Variants in NCAN observed in about 807,000 individuals in gnomAD.
The protein encoded by NCAN is neurocan core protein.
Under a neutral mutation model 121.8 loss-of-function variants are expected in NCAN, and 47 were observed. The observed-to-expected ratio is 0.39, with a 90% CI of 0.31 to 0.49. The LOEUF is 0.49. Ranked by LOEUF, NCAN falls within the 20% of genes least tolerant of loss-of-function variation. The pLI is 0.92. For missense variants in NCAN, 1,517 were observed against 1,773.4 expected (o/e 0.86, Z 2.60); for synonymous variants, 633 against 702.0 (o/e 0.90, Z 1.55).
intron 12 of NCAN, among the ~76,000 whole-genome samples, chr19:19,242,556 G>A (rs530078277): frequency 2.4e-4 from 37 of 151,812 alleles, no homozygotes; most frequent in Non-Finnish European, 4.9e-4. Context: ...GGGTGTGATG[G>A]CACATGCCTG....
At chr19:19,221,354 G>C (rs577115287) in intron 3 of NCAN, among the ~76,000 whole-genome samples, 15 of 152,128 alleles carry the variant, frequency 9.9e-5, no homozygotes, top group African/African-American at 3.1e-4. Flanking sequence ...CAGATCATGA[G>C]GTCAGGAGTT....
At position 19,222,751 on chromosome 19, in the gene NCAN, C is replaced by T. The variant is rs900119987; in HGVS notation, c.476-1270C>T. On this transcript the variant is annotated intron_variant, in intron 3 of 14. Coordinates refer to ENST00000252575, the MANE Select transcript of NCAN (RefSeq NM_004386.3). The stretch of plus-strand genomic sequence containing the variant: ...CAGTGAGCCTGTTACCAGGGCTTCA[C>T]ATCCTGGCTTACATGTCACCTCCTC... Among the ~76,000 whole-genome samples, 4 of 152,142 alleles carry T rather than the reference C, an allele frequency of 2.6e-5. No homozygotes were observed. In the East Asian group the frequency reaches 7.7e-4, roughly 29 times the overall value.
At chr19:19,217,625 G>A (rs952773816) in intron 2 of NCAN, among the ~76,000 whole-genome samples, 1 of 152,210 alleles carries the variant, frequency 6.6e-6, no homozygotes, top group Non-Finnish European at 1.5e-5. Context: ...GCTCAGGGAA[G>A]GAAAATGCCT....
chr19:19,249,075 G>GTGTGTGTA (rs2060936950), intron 14 of NCAN, 193 bp downstream of exon 14: 2 of 579,850 alleles, frequency 3.4e-6, no homozygotes, highest in Non-Finnish European at 3.0e-6. Context: ...GTGTGTGTGT[G>GTGTGTGTA]TGTGTATGTG....
At chr19:19,234,779 CATT>C (rs1201504952) in intron 9 of NCAN, among the ~76,000 whole-genome samples, 1 of 152,240 alleles carries the variant, frequency 6.6e-6, no homozygotes, top group African/African-American at 2.4e-5. Context: ...CATCTGCTCT[CATT>C]AATGCTAATT....
At position 19,225,875 on chromosome 19, in the gene NCAN, C is replaced by G. The variant is rs1360345323; in HGVS notation, c.1072+605C>G. Among the ~76,000 whole-genome samples the G allele has an allele frequency of 6.6e-6, 1 of 152,206 alleles. No individual in the cohort carries two copies. The highest frequency in any genetic ancestry group is 1.9e-4 in the East Asian group (1 of 5,188). On this transcript the variant is annotated intron_variant, in intron 6 of 14. Transcript: ENST00000252575. The surrounding 1 kb of genome is among the most constrained non-coding windows in gnomAD (Gnocchi z 4.0). ...GAGTTGAACCCCTCAACAGGCAGAC[C>G]CAAGTTCATGAGAGTTGGACACTAC... is the stretch of plus-strand genomic sequence containing the variant.
chr19:19,228,263 G>C lies in NCAN; in HGVS notation c.2643G>C (p.Lys881Asn), dbSNP rs2060845483. The change falls in exon 8 of 15, where the codon AAG becomes AAC. Residue 881 changes from lysine to asparagine, a missense_variant. Physicochemically the swap from Lys to Asn is moderately conservative, Grantham distance 94 (BLOSUM62 0). Transcript: ENST00000252575. ...TCACGACCCTGGAGCAGGGGGACAAGGTTGGAGTTCCAGCCATGTCTACAC... is the reference window on the plus strand; with the variant it reads ...TCACGACCCTGGAGCAGGGGGACAACGTTGGAGTTCCAGCCATGTCTACAC... ...TPLTTLEQGD[K>N]VGVPAMSTLG... The C allele has an allele frequency of 2.5e-6, 4 of 1,613,860 alleles. No homozygotes were observed. Among genetic ancestry groups the C allele is most frequent in the African/African-American group, 1.3e-5 (1 of 74,926 alleles).
chr19:19,228,660 C>T, intron 8 of NCAN, 21 bp downstream of exon 8: 1 of 1,578,104 alleles, frequency 6.3e-7, no homozygotes, highest in Non-Finnish European at 8.6e-7. Context: ...AGTCCCGGGG[C>T]TCTGTCCAGC....
intron 13 of NCAN, among the ~76,000 whole-genome samples, chr19:19,246,009 TA>T (rs2060923222): frequency 6.6e-6 from 1 of 152,070 alleles, no homozygotes; most frequent in Admixed American, 6.6e-5. Context: ...GATTATATTT[TA>T]TTTTTTTAAT....
At position 19,226,744 on chromosome 19, in the gene NCAN, G is replaced by A. The variant is rs1346890730; in HGVS notation, c.1331G>A (p.Gly444Glu). The A allele has an allele frequency of 3.1e-6, 5 of 1,613,216 alleles. No homozygotes were observed. The East Asian group carries it at 1.1e-4, about 36-fold the overall frequency. ...GDPMLASWPT[G>E]EVWLSTVAPS... ...CCCATGCTGGCCTCATGGCCCACTG[G>A]GGAAGTGTGGCTAAGCACGGTGGCC... The change falls in exon 7 of 15, where the codon GGG becomes GAG. Residue 444 changes from glycine (G) to glutamate (E), a missense_variant. By Grantham distance (98) the Gly-to-Glu change is moderately conservative (BLOSUM62 -2). Coordinates refer to ENST00000252575, the MANE Select transcript of NCAN (RefSeq NM_004386.3).
In NCAN at chr19:19,249,977, C is replaced by A. The variant is rs748850578; in HGVS notation, c.*66C>A. The A allele has an allele frequency of 2.8e-5, 42 of 1,506,144 alleles. No homozygotes were observed. In the African/African-American group the frequency reaches 4.9e-4, roughly 17 times the overall value. 93.3% of individuals were successfully genotyped at this position (1,506,144 alleles called of 1,614,324 possible). A position where few individuals can be genotyped will look rare whatever the true frequency, so the allele number is the denominator to read the frequency against. On this transcript the variant is annotated 3_prime_UTR_variant, in exon 15 of 15. Coordinates refer to ENST00000252575, the MANE Select transcript of NCAN (RefSeq NM_004386.3). ...CCTCTGGAGCCTTCGCCTGGGGAGACAGAACCCAGAGAGAAACAAGAGAGT... is the reference window on the plus strand; with the variant it reads ...CCTCTGGAGCCTTCGCCTGGGGAGAAAGAACCCAGAGAGAAACAAGAGAGT...
chr19:19,242,664 G>A (rs1228343692), intron 12 of NCAN, among the ~76,000 whole-genome samples: 2 of 152,194 alleles, frequency 1.3e-5, no homozygotes, highest in Non-Finnish European at 2.9e-5. Context: ...ACTCCAGCCT[G>A]GGTGACAGAG....
rs761502466 is a variant in NCAN at position 19,228,102 on chromosome 19, C to T, written c.2482C>T (p.Pro828Ser). Residue 828 changes from proline (P) to serine (S), a missense_variant, in exon 8 of 15, where the codon CCC becomes TCC. Physicochemically the swap from Pro to Ser is moderately conservative, Grantham distance 74 (BLOSUM62 -1). Transcript: ENST00000252575. ...VATDEGPTVN[P>S]MDSTVTPAPS... ...TACAGATGAAGGACCCACTGTGAAT[C>T]CCATGGATTCCACAGTCACGCCGGC... The T allele has an allele frequency of 1.2e-6, 2 of 1,613,488 alleles. No homozygotes were observed. Among genetic ancestry groups the T allele is most frequent in the East Asian group, 2.2e-5 (1 of 44,888 alleles).
intron 11 of NCAN, among the ~76,000 whole-genome samples, chr19:19,239,015 C>A (rs2060891910): frequency 6.6e-6 from 1 of 152,112 alleles, no homozygotes; most frequent in South Asian, 2.1e-4. Context: ...TCCTTCCTTT[C>A]TTCCTTCCCT....
intron 8 of NCAN, among the ~76,000 whole-genome samples, chr19:19,229,568 G>A (rs1204629249): frequency 6.6e-6 from 1 of 152,186 alleles, no homozygotes; most frequent in East Asian, 1.9e-4. Flanking sequence ...GCTCAGGGAG[G>A]TAAAACGCCG....
chr19:19,238,253 A>G lies in NCAN; in HGVS notation c.3251A>G (p.Asp1084Gly). ...PSYGGSFCEK[D>G]TEGCDRGWHK... is the part of the protein sequence containing the mutation. ...CTCACGCTCCTATCCCATCTCCCAG[A>G]CACCGAGGGCTGTGACCGCGGCTGG... Residue 1084 changes from aspartate (D) to glycine (G), a missense_variant and splice_region_variant, in exon 11 of 15, where the codon GAC (aspartate) becomes GGC (glycine). By Grantham distance (94) the Asp-to-Gly change is moderately conservative. Coordinates refer to ENST00000252575, the MANE Select transcript of NCAN (RefSeq NM_004386.3). 1 of 1,614,082 alleles carries G rather than the reference A, an allele frequency of 6.2e-7. No individual in the cohort carries two copies. The highest frequency in any genetic ancestry group is 2.2e-5 in the East Asian group (1 of 44,886).
chr19:19,215,358 C>T (rs974126414), intron 1 of NCAN, among the ~76,000 whole-genome samples: 13 of 152,128 alleles, frequency 8.5e-5, no homozygotes, highest in Admixed American at 3.3e-4. Context: ...GACCGGGGTT[C>T]GCAGGAGTGG....
rs2060834574 is a variant in NCAN at position 19,225,802 on chromosome 19, T to C, written c.1072+532T>C. On this transcript the variant is annotated intron_variant, in intron 6 of 14. Transcript: ENST00000252575. This position sits in a 1 kb window ranked among gnomAD's most constrained non-coding sequence, Gnocchi z 4.0. ...CCCCAGTCCTGGCATGGGCATACCA[T>C]GCCCACGGGGCACCACCTGTACCAG... 2.0e-5 allele frequency among the ~76,000 whole-genome samples: 3 copies of C among 152,352 alleles called. No individual in the cohort carries two copies. The highest frequency in any genetic ancestry group is 4.1e-4 in the South Asian group (2 of 4,832).
In NCAN at chr19:19,212,301, C is replaced by T. The variant is rs1027307748; in HGVS notation, c.-8+237C>T. ...GTCCGCGGAATCCGGAGACTACCCC[C>T]CGGTGGGGAGGGGGCCGGGCTGGGG... On this transcript the variant is annotated intron_variant, in intron 1 of 14. Transcript: ENST00000252575. This position sits in a 1 kb window ranked among gnomAD's most constrained non-coding sequence, Gnocchi z 4.5. Among the ~76,000 whole-genome samples the T allele has an allele frequency of 6.7e-6, 1 of 149,426 alleles. No individual in the cohort carries two copies. Among genetic ancestry groups the T allele is most frequent in the Non-Finnish European group, 1.5e-5 (1 of 67,244 alleles).
Sources: allele counts gnomAD v4.1 joint callset (sites outside exome capture counted in the v4.1 genomes callset), GRCh38; gene constraint gnomAD v4.1.1; non-coding constraint Gnocchi (gnomAD v3.1); transcripts MANE v1.5; gene names NCBI Gene and HGNC (gene_info 2026-07-23, HGNC 2026-07-21).